The following AFG2A variants were observed in gnomAD, a reference collection of about 807,000 sequenced individuals.
AFG2A encodes the protein ATPase family gene 2 protein homolog A.
chr4:123,314,608 T>C, the AFG2A span: 1 of 152,334 alleles, frequency 6.6e-6, no homozygotes, highest in South Asian at 2.1e-4. Flanking sequence ...AATTCATATA[T>C]GCATTTTTGT....
the AFG2A span, among the ~76,000 whole-genome samples, chr4:123,302,542 G>A: frequency 6.6e-6 from 1 of 151,592 alleles, no homozygotes; most frequent in Non-Finnish European, 1.5e-5. Context: ...GCAAAAACTA[G>A]TTTATATCTT....
chr4:122,944,446 C>T, the AFG2A span, among the ~76,000 whole-genome samples: 2 of 152,196 alleles, frequency 1.3e-5, no homozygotes, highest in Non-Finnish European at 2.9e-5. Flanking sequence ...GAGGCTTTTG[C>T]ATTCTTCACG....
At chr4:122,923,093 C>T in the AFG2A span, 73 of 1,608,612 alleles carry the variant, frequency 4.5e-5, no homozygotes, top group South Asian at 7.1e-4. Context: ...AGTTGAAGCG[C>T]GCACATTGAG....
At chr4:123,249,322 G>C in the AFG2A span, among the ~76,000 whole-genome samples, 1 of 152,134 alleles carries the variant, frequency 6.6e-6, no homozygotes. Flanking sequence ...GTGTTTAGGT[G>C]CTCCTAAGCA....
the AFG2A span, among the ~76,000 whole-genome samples, chr4:123,294,498 A>G: frequency 6.6e-6 from 1 of 152,198 alleles, no homozygotes; most frequent in Non-Finnish European, 1.5e-5. Flanking sequence ...AAGTATTCAC[A>G]TGATCCCAGG....
At chr4:122,987,329 A>G in the AFG2A span, among the ~76,000 whole-genome samples, 3 of 152,178 alleles carry the variant, frequency 2.0e-5, no homozygotes, top group African/African-American at 7.2e-5. Context: ...TCTTTAAATT[A>G]GAGTCTCTTA....
the AFG2A span, among the ~76,000 whole-genome samples, chr4:123,170,402 T>G: frequency 3.0e-4 from 46 of 152,318 alleles, no homozygotes; most frequent in Non-Finnish European, 4.9e-4. Context: ...TGCCTGCATA[T>G]AAGAAGGAGA....
the AFG2A span, among the ~76,000 whole-genome samples, chr4:123,261,713 A>G: frequency 2.0e-5 from 3 of 151,990 alleles, no homozygotes; most frequent in East Asian, 5.8e-4. Flanking sequence ...ACCAATAAAT[A>G]GCCTATTCTT....
chr4:123,081,023 A>G, the AFG2A span, among the ~76,000 whole-genome samples: 1 of 152,038 alleles, frequency 6.6e-6, no homozygotes, highest in Non-Finnish European at 1.5e-5. Context: ...CTCTGTCTTC[A>G]GAAACACACA....
the AFG2A span, among the ~76,000 whole-genome samples, chr4:123,298,683 A>G: frequency 6.6e-6 from 1 of 152,234 alleles, no homozygotes; most frequent in Admixed American, 6.5e-5. Context: ...GTAAAGGTAC[A>G]TAGCCTTAAA....
the AFG2A span, among the ~76,000 whole-genome samples, chr4:123,203,991 C>G: frequency 6.6e-6 from 1 of 152,190 alleles, no homozygotes; most frequent in Non-Finnish European, 1.5e-5. Context: ...GGCTTGTAGT[C>G]TCTTCCTTCA....
At chr4:123,059,486 T>C in the AFG2A span, among the ~76,000 whole-genome samples, 5 of 152,028 alleles carry the variant, frequency 3.3e-5, no homozygotes, top group African/African-American at 9.7e-5. Flanking sequence ...CATGAACTCA[T>C]CATTTTTTAT....
At chr4:123,218,531 G>A in the AFG2A span, among the ~76,000 whole-genome samples, 2 of 152,244 alleles carry the variant, frequency 1.3e-5, no homozygotes, top group African/African-American at 2.4e-5. Flanking sequence ...TGTTTGATAA[G>A]TCCAATCCCA....
the AFG2A span, among the ~76,000 whole-genome samples, chr4:122,933,280 C>T: frequency 6.6e-6 from 1 of 152,100 alleles, no homozygotes; most frequent in Non-Finnish European, 1.5e-5. Flanking sequence ...GAAAAATGCC[C>T]ATCATTTCAA....
chr4:122,927,638 T>C, the AFG2A span: 1 of 1,605,912 alleles, frequency 6.2e-7, no homozygotes. Context: ...TCATAGTAGA[T>C]GACAAAATTC....
chr4:122,959,024 T>C, the AFG2A span, among the ~76,000 whole-genome samples: 1 of 152,154 alleles, frequency 6.6e-6, no homozygotes, highest in African/African-American at 2.4e-5. Context: ...TTCTGGGGTC[T>C]ATCCTGCTGA....
At chr4:123,226,749 C>G in the AFG2A span, among the ~76,000 whole-genome samples, 1 of 152,212 alleles carries the variant, frequency 6.6e-6, no homozygotes, top group African/African-American at 2.4e-5. Context: ...AGGATTCCCT[C>G]TCTTCCTGTT....
chr4:123,021,643 C>T, the AFG2A span, among the ~76,000 whole-genome samples: 1 of 152,214 alleles, frequency 6.6e-6, no homozygotes, highest in Non-Finnish European at 1.5e-5. Context: ...AAATGTTCCT[C>T]TTTGAGCATT....
At chr4:123,295,097 C>G in the AFG2A span, among the ~76,000 whole-genome samples, 5 of 152,180 alleles carry the variant, frequency 3.3e-5, no homozygotes, top group Non-Finnish European at 7.3e-5. Flanking sequence ...CCTCCTTTAC[C>G]ATTACAACAG....
Sources: allele counts gnomAD v4.1 joint callset (sites outside exome capture counted in the v4.1 genomes callset), GRCh38; gene constraint gnomAD v4.1.1; transcripts MANE v1.5; gene names NCBI Gene and HGNC (gene_info 2026-07-23, HGNC 2026-07-21).